GHR: variants seen among roughly 807,000 people sequenced by gnomAD.
The protein encoded by GHR is GH receptor.
In GHR, 35 loss-of-function variants were observed where a neutral mutation model predicts 67.1. The ratio of observed to expected loss-of-function variants is 0.52; its 90% CI spans 0.40 to 0.69. The LOEUF is 0.69. Ranked by LOEUF, GHR falls within the 30% of genes least tolerant of loss-of-function variation. The pLI is 0.00. For missense variants in GHR, 792 were observed against 764.6 expected (o/e 1.04, Z -0.42); for synonymous variants, 272 against 269.1 (o/e 1.01, Z -0.10).
At chr5:42,578,638 C>T (rs1190993779) in intron 2 of GHR, among the ~76,000 whole-genome samples, 1 of 152,132 alleles carries the variant, frequency 6.6e-6, no homozygotes, top group Non-Finnish European at 1.5e-5. Flanking sequence ...ACAGGAATTA[C>T]CAATTAACTA....
intron 5 of GHR, among the ~76,000 whole-genome samples, chr5:42,698,481 T>A (rs542884269): frequency 6.6e-6 from 1 of 152,298 alleles, no homozygotes; most frequent in East Asian, 1.9e-4. Flanking sequence ...CATATGTAGT[T>A]TGGCCATTTT....
intron 8 of GHR, chr5:42,714,999 T>A: frequency 3.0e-6 from 1 of 337,454 alleles, no homozygotes; most frequent in Non-Finnish European, 5.7e-6. Context: ...TTATATTAGT[T>A]AACAATATTA....
chr5:42,528,797 C>T (rs1747820393), intron 1 of GHR, among the ~76,000 whole-genome samples: 1 of 152,094 alleles, frequency 6.6e-6, no homozygotes, highest in African/African-American at 2.4e-5. Context: ...ATCACAGCCA[C>T]CCCAGACTTC....
chr5:42,464,255 A>G (rs1744631966), intron 1 of GHR, among the ~76,000 whole-genome samples: 1 of 152,092 alleles, frequency 6.6e-6, no homozygotes, highest in Non-Finnish European at 1.5e-5. Context: ...CTCAATGCGA[A>G]GCTCCCATGG....
At chr5:42,551,523 C>T (rs557872285) in intron 1 of GHR, among the ~76,000 whole-genome samples, 248 of 152,276 alleles carry the variant, frequency 1.6e-3, no homozygotes, top group African/African-American at 5.7e-3. Context: ...GAAGGTACTA[C>T]GTTCCAGGGA....
chr5:42,640,472 C>T (rs1385148052), intron 3 of GHR, among the ~76,000 whole-genome samples: 1 of 152,066 alleles, frequency 6.6e-6, no homozygotes, highest in Non-Finnish European at 1.5e-5. Context: ...GCTGTTACTA[C>T]TACTGCTATT....
intron 3 of GHR, among the ~76,000 whole-genome samples, chr5:42,643,960 T>G (rs536765875): frequency 2.6e-5 from 4 of 152,256 alleles, no homozygotes; most frequent in African/African-American, 9.6e-5. Flanking sequence ...TGAATTGCAT[T>G]TGAGAATAAC....
intron 1 of GHR, among the ~76,000 whole-genome samples, chr5:42,425,246 C>T (rs1269454571): frequency 1.3e-5 from 2 of 152,112 alleles, no homozygotes; most frequent in African/African-American, 4.8e-5. Flanking sequence ...CGGAGACAGA[C>T]ACAGGTTGGA....
At chr5:42,538,446 C>T (rs976289128) in intron 1 of GHR, among the ~76,000 whole-genome samples, 2 of 152,064 alleles carry the variant, frequency 1.3e-5, no homozygotes, top group African/African-American at 4.8e-5. Context: ...GCTTAGCTTG[C>T]TGGATAGAAA....
chr5:42,652,879 C>CT (rs1755077769), intron 3 of GHR, among the ~76,000 whole-genome samples: 1 of 151,992 alleles, frequency 6.6e-6, no homozygotes, highest in South Asian at 2.1e-4. Context: ...CTCTGTACTA[C>CT]TGTGCTACAG....
intron 1 of GHR, among the ~76,000 whole-genome samples, chr5:42,539,699 T>C (rs1748414563): frequency 6.6e-6 from 1 of 152,242 alleles, no homozygotes; most frequent in Admixed American, 6.5e-5. Context: ...ACACTCTTTT[T>C]TTCATTGTTC....
At chr5:42,552,715 T>C (rs960791652) in intron 1 of GHR, among the ~76,000 whole-genome samples, 3 of 152,230 alleles carry the variant, frequency 2.0e-5, no homozygotes, top group Middle Eastern at 3.4e-3. Flanking sequence ...TCCTGAAAGA[T>C]AGTGAACCCA....
Position 42,472,952 on chromosome 5 carries a change from T to C in GHR, c.-12+48997T>C, listed in dbSNP as rs533394659. Among the ~76,000 whole-genome samples the C allele has an allele frequency of 1.2e-3, 179 of 152,298 alleles. No individual in the cohort carries two copies. The Middle Eastern group carries it at 0.02, about 17-fold the overall frequency. On this transcript the variant is annotated intron_variant, in intron 1 of 9. Coordinates refer to ENST00000230882, the MANE Select transcript of GHR (RefSeq NM_000163.5). Reference sequence around the variant, plus strand: ...TACTCTAAATAATGTTAAAAGTCAGTGTATGCCTTAAGATTGGGTGAATTG... The same window carrying C: ...TACTCTAAATAATGTTAAAAGTCAGCGTATGCCTTAAGATTGGGTGAATTG...
intron 2 of GHR, among the ~76,000 whole-genome samples, chr5:42,593,745 G>A (rs1318440339): frequency 6.6e-6 from 1 of 152,190 alleles, no homozygotes; most frequent in East Asian, 1.9e-4. Flanking sequence ...TCAGATATTT[G>A]ATCCAAACCT....
At chr5:42,584,023 G>A (rs188485576) in intron 2 of GHR, among the ~76,000 whole-genome samples, 27 of 151,982 alleles carry the variant, frequency 1.8e-4, no homozygotes, top group Non-Finnish European at 3.7e-4. Context: ...TCCGTTAGTA[G>A]TCTTCTTTTT....
chr5:42,436,646 G>A (rs1743341109), intron 1 of GHR, among the ~76,000 whole-genome samples: 2 of 152,252 alleles, frequency 1.3e-5, no homozygotes, highest in South Asian at 2.1e-4. Flanking sequence ...TTGATATTGT[G>A]TAATAATTTA....
At chr5:42,685,838 T>C (rs1757111421) in intron 3 of GHR, among the ~76,000 whole-genome samples, 1 of 152,202 alleles carries the variant, frequency 6.6e-6, no homozygotes. Context: ...ATTCTGGATA[T>C]TAGCCCTTTG....
chr5:42,532,576 C>T (rs1046491987), intron 1 of GHR, among the ~76,000 whole-genome samples: 2 of 152,138 alleles, frequency 1.3e-5, no homozygotes, highest in African/African-American at 4.8e-5. Flanking sequence ...CCAGAGAAAA[C>T]AACTGTCTTG....
At chr5:42,660,413 C>G (rs1755524684) in intron 3 of GHR, among the ~76,000 whole-genome samples, 2 of 152,226 alleles carry the variant, frequency 1.3e-5, no homozygotes, top group South Asian at 4.1e-4. Context: ...TGAGACAAAA[C>G]TTCCAGAGGA....
Sources: gnomAD v4.1 joint callset for allele counts (sites outside exome capture counted in the v4.1 genomes callset) on GRCh38, gnomAD v4.1.1 for gene constraint, MANE v1.5 for transcripts, NCBI Gene and HGNC (gene_info 2026-07-23, HGNC 2026-07-21) for gene names.